Variants in GRID2 observed in about 807,000 individuals in gnomAD.
GRID2 encodes glutamate ionotropic receptor delta type subunit 2.
A neutral mutation model predicts 114.8 loss-of-function variants in GRID2; 33 were observed. The ratio of observed to expected loss-of-function variants is 0.29; its 90% CI spans 0.22 to 0.38. GRID2 has a LOEUF of 0.38. Among genes scored for constraint, GRID2 ranks in the 10% least tolerant of loss-of-function variants. GRID2 has a pLI of 1.00. For synonymous variants in GRID2, 505 were observed against 449.9 expected, an observed-to-expected ratio of 1.12 and a Z score of -1.55; for missense variants, 1,184 against 1,257.7, an observed-to-expected ratio of 0.94 and a Z score of 0.89.
intron 2 of GRID2, among the ~76,000 whole-genome samples, chr4:92,954,792 A>G (rs1287890801): frequency 1.5e-5 from 2 of 130,336 alleles, no homozygotes; most frequent in African/African-American, 5.9e-5. Context: ...GAGTCCCCAG[A>G]GTGTGATGTT....
At chr4:93,169,696 A>G (rs1560948140) in intron 4 of GRID2, among the ~76,000 whole-genome samples, 1 of 152,230 alleles carries the variant, frequency 6.6e-6, no homozygotes, top group Non-Finnish European at 1.5e-5. Context: ...TTTATACACT[A>G]AAGCTCAATG....
chr4:92,967,472 CTTTTA>C (rs1301599225), intron 2 of GRID2, among the ~76,000 whole-genome samples: 1 of 151,466 alleles, frequency 6.6e-6, no homozygotes, highest in Non-Finnish European at 1.5e-5. Context: ...AGCTCTGTAG[CTTTTA>C]TTTATTTATA....
intron 8 of GRID2, among the ~76,000 whole-genome samples, chr4:93,344,358 T>G (rs1451934769): frequency 6.6e-6 from 1 of 151,986 alleles, no homozygotes; most frequent in Non-Finnish European, 1.5e-5. Flanking sequence ...TCCAATTACA[T>G]AACATTTATG....
intron 11 of GRID2, among the ~76,000 whole-genome samples, chr4:93,483,879 T>A (rs887442641): frequency 6.6e-6 from 1 of 151,880 alleles, no homozygotes; most frequent in Non-Finnish European, 1.5e-5. Flanking sequence ...CACTCTGAAG[T>A]GTCATGAAGT....
intron 4 of GRID2, among the ~76,000 whole-genome samples, chr4:93,117,014 C>A (rs1733333330): frequency 6.6e-6 from 1 of 152,098 alleles, no homozygotes; most frequent in Non-Finnish European, 1.5e-5. Flanking sequence ...CAAGCATCCA[C>A]AATCATTGTT....
chr4:93,128,061 A>AAAAAAAAAAAAAAAAAAAAAAAAAAG (rs1560908630), intron 4 of GRID2, among the ~76,000 whole-genome samples: 1 of 84,072 alleles, frequency 1.2e-5, no homozygotes, highest in African/African-American at 5.7e-5. Flanking sequence ...AAAAAAAAAC[A>AAAAAAAAAAAAAAAAAAAAAAAAAAG]ACAGTACGTG....
chr4:92,994,674 G>A (rs997797320), intron 2 of GRID2, among the ~76,000 whole-genome samples: 2 of 152,074 alleles, frequency 1.3e-5, no homozygotes, highest in Admixed American at 1.3e-4. Context: ...GCTCTCAATT[G>A]ATGTTCAACA....
At chr4:92,753,694 A>G (rs1353981281) in intron 2 of GRID2, among the ~76,000 whole-genome samples, 2 of 152,170 alleles carry the variant, frequency 1.3e-5, no homozygotes, top group Admixed American at 1.3e-4. Flanking sequence ...AAAATGAGTA[A>G]TGGGCTGGAA....
chr4:92,678,958 C>A (rs1029333983), intron 2 of GRID2, among the ~76,000 whole-genome samples: 3 of 149,340 alleles, frequency 2.0e-5, no homozygotes, highest in African/African-American at 7.4e-5. Flanking sequence ...GACATCTCTC[C>A]GACTGCAAAT....
At chr4:92,512,434 G>A (rs536487027) in intron 1 of GRID2, among the ~76,000 whole-genome samples, 1 of 151,852 alleles carries the variant, frequency 6.6e-6, no homozygotes, top group Middle Eastern at 3.4e-3. Flanking sequence ...CTAAAACATA[G>A]TAAGCTTTCT....
intron 13 of GRID2, among the ~76,000 whole-genome samples, chr4:93,624,363 T>A (rs910369090): frequency 1.3e-5 from 2 of 152,154 alleles, no homozygotes; most frequent in Non-Finnish European, 2.9e-5. Context: ...GATAAAGTTG[T>A]TACAATAATG....
At chr4:92,885,848 G>A (rs1746331427) in intron 2 of GRID2, among the ~76,000 whole-genome samples, 2 of 152,162 alleles carry the variant, frequency 1.3e-5, no homozygotes, top group Non-Finnish European at 2.9e-5. Flanking sequence ...CCAAGTGGTG[G>A]CTGTATTGCT....
chr4:93,580,359 G>C (rs542065411), intron 13 of GRID2, among the ~76,000 whole-genome samples: 9 of 152,320 alleles, frequency 5.9e-5, no homozygotes, highest in South Asian at 2.1e-4. Flanking sequence ...CAAGTGGGGA[G>C]AGATACTGAT....
intron 1 of GRID2, among the ~76,000 whole-genome samples, chr4:92,429,760 A>T (rs1304748202): frequency 6.6e-6 from 1 of 152,114 alleles, no homozygotes; most frequent in African/African-American, 2.4e-5. Context: ...CCTCGCCAGC[A>T]TTCATTATTG....
At chr4:93,137,966 GTTTTTT>G (rs753814961) in intron 4 of GRID2, among the ~76,000 whole-genome samples, 4 of 78,380 alleles carry the variant, frequency 5.1e-5, no homozygotes, top group Non-Finnish European at 9.6e-5. Context: ...TTTTTTCTTC[GTTTTTT>G]TTTTTTTTTT....
At chr4:93,172,911 CTT>C (rs544933733) in intron 4 of GRID2, among the ~76,000 whole-genome samples, 1 of 145,848 alleles carries the variant, frequency 6.9e-6, no homozygotes. Flanking sequence ...ACATCTTAAA[CTT>C]TTTTTTTTTT....
intron 2 of GRID2, among the ~76,000 whole-genome samples, chr4:92,672,508 A>G (rs987649842): frequency 1.3e-5 from 2 of 152,080 alleles, no homozygotes; most frequent in South Asian, 4.1e-4. Context: ...ATTTAAAGTG[A>G]ATTTCTGGTG....
chr4:92,724,231 G>A (rs914545844), intron 2 of GRID2, among the ~76,000 whole-genome samples: 13 of 152,108 alleles, frequency 8.5e-5, no homozygotes, highest in Non-Finnish European at 1.8e-4. Context: ...CAGTGTCTAT[G>A]TGTTAAGAGC....
intron 13 of GRID2, among the ~76,000 whole-genome samples, chr4:93,530,450 T>C (rs1731332686): frequency 6.6e-6 from 1 of 152,174 alleles, no homozygotes; most frequent in Non-Finnish European, 1.5e-5. Flanking sequence ...TGGCTTTGTC[T>C]TATACTCTGC....
Sources: gnomAD v4.1 joint callset for allele counts (sites outside exome capture counted in the v4.1 genomes callset) on GRCh38, gnomAD v4.1.1 for gene constraint, MANE v1.5 for transcripts, NCBI Gene and HGNC (gene_info 2026-07-23, HGNC 2026-07-21) for gene names.